RAP1GAP2: variants seen among roughly 807,000 people sequenced by gnomAD.
RAP1GAP2 encodes RAP1 GTPase activating protein 2.
A neutral mutation model predicts 95.0 loss-of-function variants in RAP1GAP2; 27 were observed. That is an observed-to-expected ratio of 0.28 (90% CI 0.21 to 0.39). The LOEUF (loss-of-function observed/expected upper bound fraction) is 0.39. RAP1GAP2 is among the 10% of genes least tolerant of loss of function. RAP1GAP2 has a pLI of 1.00. For missense variants in RAP1GAP2, 771 were observed against 970.0 expected (o/e 0.79, Z 2.72); for synonymous variants, 373 against 380.9 (o/e 0.98, Z 0.24).
Position 3,027,082 on chromosome 17 carries a change from C to G in RAP1GAP2, c.2107+12C>G. On this transcript the variant is annotated intron_variant, in intron 22 of 24. Transcript: ENST00000254695. This position sits in a 1 kb window ranked among gnomAD's most constrained non-coding sequence, Gnocchi z 5.2. ...CCGGAGTCCCACAGGTCAGTGGCAT[C>G]TGGTGGTGTGTGTGACGTCACCAGG... 2 of 1,570,084 alleles carry G rather than the reference C, an allele frequency of 1.3e-6. No individual in the cohort carries two copies. The highest frequency in any genetic ancestry group is 1.7e-6 in the Non-Finnish European group (2 of 1,157,428).
intron 3 of RAP1GAP2, among the ~76,000 whole-genome samples, chr17:2,937,668 C>T (rs2043345999): frequency 6.6e-6 from 1 of 152,180 alleles, no homozygotes; most frequent in Admixed American, 6.5e-5. Context: ...TATCATTTCT[C>T]CAAGATAGTC....
In RAP1GAP2 at chr17:2,994,491, C is replaced by T. The variant is rs115917744; in HGVS notation, c.915-846C>T. ...AGGGACTTCCCTGGATACTCCCAAG[C>T]GGGATGCTGCAGTGGTTGGGCCTGT... On this transcript the variant is annotated intron_variant, in intron 12 of 24. Coordinates refer to ENST00000254695, the MANE Select transcript of RAP1GAP2 (RefSeq NM_015085.5). Among the ~76,000 whole-genome samples the T allele has an allele frequency of 4.9e-3, 745 of 152,232 alleles. 9 individuals are homozygous for T. Among genetic ancestry groups the T allele is most frequent in the African/African-American group, 0.016 (650 of 41,538 alleles).
intron 3 of RAP1GAP2, among the ~76,000 whole-genome samples, chr17:2,912,370 C>T (rs2042416963): frequency 6.6e-6 from 1 of 152,190 alleles, no homozygotes; most frequent in South Asian, 2.1e-4. Context: ...TCTTTTGCTC[C>T]TGGTTCCTGC....
Position 2,867,938 on chromosome 17 carries a change from C to CTTGCGTCTGGGAGGGTA in RAP1GAP2, c.81-37346_81-37345insTTGCGTCTGGGAGGGTA, listed in dbSNP as rs2072682513. On this transcript the variant is annotated intron_variant, in intron 2 of 24. Transcript: ENST00000254695. This position sits in a 1 kb window ranked among gnomAD's most constrained non-coding sequence, Gnocchi z 4.5. ...CTTCACGGATGCAGCTCGCGGGATC[C>CTTGCGTCTGGGAGGGTA]CCAAGCCTTTGGTAGTAAACACACT... is the stretch of plus-strand genomic sequence containing the variant. Among the ~76,000 whole-genome samples the CTTGCGTCTGGGAGGGTA allele has an allele frequency of 6.6e-6, 1 of 152,130 alleles. No homozygotes were observed. Among genetic ancestry groups the CTTGCGTCTGGGAGGGTA allele is most frequent in the Admixed American group, 6.6e-5 (1 of 15,248 alleles).
rs1197149873 is a variant in RAP1GAP2 at position 3,035,780 on chromosome 17, A to C, written c.*2419A>C. 6.6e-6 allele frequency: 1 copy of C among 152,280 alleles called. No homozygotes were observed. The highest frequency in any genetic ancestry group is 6.5e-5 in the Admixed American group (1 of 15,284). 9.4% of individuals were successfully genotyped at this position (152,280 alleles called of 1,614,324 possible). On this transcript the variant is annotated 3_prime_UTR_variant, in exon 25 of 25. Coordinates refer to ENST00000254695, the MANE Select transcript of RAP1GAP2 (RefSeq NM_015085.5). This position sits in a 1 kb window ranked among gnomAD's most constrained non-coding sequence, Gnocchi z 4.3. ...CCCTCCCCTAGACCACGGGGCGGGCAGCTCGGGTTCCTGGAGGGCTGTTTC... is the reference window on the plus strand; with the variant it reads ...CCCTCCCCTAGACCACGGGGCGGGCCGCTCGGGTTCCTGGAGGGCTGTTTC...
chr17:2,947,672 T>C (rs1597691466), intron 3 of RAP1GAP2, among the ~76,000 whole-genome samples: 1 of 151,978 alleles, frequency 6.6e-6, no homozygotes, highest in African/African-American at 2.4e-5. Flanking sequence ...GGCCGGCTGG[T>C]TCTCATCCTG....
chr17:2,942,679 T>C (rs2043541107), intron 3 of RAP1GAP2, among the ~76,000 whole-genome samples: 1 of 152,208 alleles, frequency 6.6e-6, no homozygotes, highest in Non-Finnish European at 1.5e-5. Flanking sequence ...TTATATAACA[T>C]AAAATTAATG....
At chr17:2,974,211 C>T (rs1467407468) in intron 8 of RAP1GAP2, among the ~76,000 whole-genome samples, 3 of 147,408 alleles carry the variant, frequency 2.0e-5, no homozygotes, top group Non-Finnish European at 4.5e-5. Context: ...TAGCTGGGCG[C>T]AGTGGCAGGC....
Position 3,020,532 on chromosome 17 carries a change from G to A in RAP1GAP2, c.1688G>A (p.Arg563His), listed in dbSNP as rs750434688. 16 of 1,613,752 alleles carry A rather than the reference G, an allele frequency of 9.9e-6. No homozygotes were observed. The highest frequency in any genetic ancestry group is 1.3e-5 in the African/African-American group (1 of 74,928). ...KNQSRSPIKR[R>H]SGLFPRLHTG... Reference sequence around the variant, plus strand: ...CAGTCACGGAGTCCCATCAAGCGACGCTCGGGGCTCTTCCCCCGCCTGCAC... The same window carrying A: ...CAGTCACGGAGTCCCATCAAGCGACACTCGGGGCTCTTCCCCCGCCTGCAC... The change falls in exon 19 of 25, where the codon CGC becomes CAC. Residue 563 changes from arginine (R) to histidine (H), a missense_variant. Physicochemically the swap from Arg to His is conservative, Grantham distance 29 (BLOSUM62 0). Coordinates refer to ENST00000254695, the MANE Select transcript of RAP1GAP2 (RefSeq NM_015085.5).
intron 2 of RAP1GAP2, among the ~76,000 whole-genome samples, chr17:2,856,558 G>A (rs1411111570): frequency 6.6e-6 from 1 of 152,196 alleles, no homozygotes; most frequent in Non-Finnish European, 1.5e-5. Flanking sequence ...AGCCCCACCA[G>A]TAGCAGTCAA....
intron 3 of RAP1GAP2, among the ~76,000 whole-genome samples, chr17:2,936,372 T>C (rs557035692): frequency 4.7e-4 from 71 of 150,748 alleles, no homozygotes; most frequent in Non-Finnish European, 6.8e-4. Context: ...GTGGTCACAC[T>C]GGTCTCTGCT....
At chr17:2,962,015 G>A (rs1181133674) in intron 4 of RAP1GAP2, among the ~76,000 whole-genome samples, 3 of 149,652 alleles carry the variant, frequency 2.0e-5, no homozygotes, top group East Asian at 2.0e-4. Flanking sequence ...CAATTCTACC[G>A]CCTCAGCCTC....
chr17:2,960,192 G>T (rs185971015), intron 4 of RAP1GAP2, among the ~76,000 whole-genome samples: 1 of 152,132 alleles, frequency 6.6e-6, no homozygotes, highest in Admixed American at 6.5e-5. Context: ...AGGAGAGAGG[G>T]CCCCGTGCTG....
In RAP1GAP2 at chr17:3,027,208, G is replaced by C. The variant is rs933591296; in HGVS notation, c.2107+138G>C. 68 of 1,110,874 alleles carry C rather than the reference G, an allele frequency of 6.1e-5. No homozygotes were observed. In the South Asian group the frequency reaches 1.1e-3, roughly 18 times the overall value. The allele number at this position is 1,110,874 out of a possible 1,614,324, so 68.8% of individuals were successfully genotyped here. On this transcript the variant is annotated intron_variant, in intron 22 of 24. Transcript: ENST00000254695. This position sits in a 1 kb window ranked among gnomAD's most constrained non-coding sequence, Gnocchi z 5.2. ...AGCTGTGAGGCCCTCCGCTCTGTGC[G>C]CCCGCCTCTTCTGTTCATCAGCCTT...
At chr17:2,940,413 C>T (rs772561517) in intron 3 of RAP1GAP2, among the ~76,000 whole-genome samples, 1 of 152,212 alleles carries the variant, frequency 6.6e-6, no homozygotes. Flanking sequence ...TGCCGGGGCC[C>T]GAGGGAACCC....
At chr17:3,022,804 G>C (rs2047000385) in intron 19 of RAP1GAP2, among the ~76,000 whole-genome samples, 1 of 152,112 alleles carries the variant, frequency 6.6e-6, no homozygotes, top group African/African-American at 2.4e-5. Flanking sequence ...AAAAGTTTTT[G>C]CCCAGACAGA....
intron 2 of RAP1GAP2, among the ~76,000 whole-genome samples, chr17:2,830,766 G>T (rs375140944): frequency 1.3e-5 from 2 of 151,876 alleles, no homozygotes; most frequent in Non-Finnish European, 2.9e-5. Context: ...AACAGTAAAT[G>T]TATTTACATG....
intron 2 of RAP1GAP2, among the ~76,000 whole-genome samples, chr17:2,859,166 AG>A (rs1044256640): frequency 1.1e-4 from 15 of 139,254 alleles, no homozygotes; most frequent in African/African-American, 3.6e-4. Flanking sequence ...GCTGGAGTGC[AG>A]TGGCACGATC....
At chr17:2,976,375 A>G (rs978998108) in intron 8 of RAP1GAP2, among the ~76,000 whole-genome samples, 26 of 152,256 alleles carry the variant, frequency 1.7e-4, no homozygotes, top group Admixed American at 1.4e-3. Flanking sequence ...TTCCTTGAAT[A>G]TAAGACAAAT....
Sources: gnomAD v4.1 joint callset for allele counts (sites outside exome capture counted in the v4.1 genomes callset) on GRCh38, gnomAD v4.1.1 for gene constraint, Gnocchi (gnomAD v3.1) non-coding constraint, MANE v1.5 for transcripts, NCBI Gene and HGNC (gene_info 2026-07-23, HGNC 2026-07-21) for gene names.